Variants in PDGFD observed in about 807,000 individuals in gnomAD.
The protein encoded by PDGFD is platelet-derived growth factor D.
In PDGFD, 30 loss-of-function variants were observed where a neutral mutation model predicts 44.7. The observed-to-expected ratio is 0.67, with a 90% confidence interval of 0.50 to 0.91. The LOEUF (loss-of-function observed/expected upper bound fraction) is 0.91. Among genes scored for constraint, PDGFD ranks in the 40% least tolerant of loss-of-function variants. PDGFD has a pLI of 0.00. For synonymous variants in PDGFD, 173 were observed against 168.4 expected, an observed-to-expected ratio of 1.03 and a Z score of -0.21; for missense variants, 445 against 457.8, an observed-to-expected ratio of 0.97 and a Z score of 0.25.
chr11:103,995,938 G>A, intron 3 of PDGFD, 127 bp downstream of exon 3: 1 of 799,476 alleles, frequency 1.3e-6, no homozygotes, highest in Non-Finnish European at 1.9e-6. Flanking sequence ...CATAAGGTAG[G>A]AACAAACCAT....
chr11:103,977,574 C>T (rs1859202890), intron 3 of PDGFD, among the ~76,000 whole-genome samples: 1 of 151,982 alleles, frequency 6.6e-6, no homozygotes, highest in Non-Finnish European at 1.5e-5. Context: ...CCCCCAGTAC[C>T]AAGCATAAAA....
At chr11:104,044,337 G>A (rs1036160520) in intron 1 of PDGFD, among the ~76,000 whole-genome samples, 13 of 152,206 alleles carry the variant, frequency 8.5e-5, no homozygotes, top group African/African-American at 3.1e-4. Context: ...AAGGAATATG[G>A]TTGCCTTAGT....
intron 1 of PDGFD, among the ~76,000 whole-genome samples, chr11:104,127,990 G>A (rs539491626): frequency 1.0e-3 from 159 of 152,178 alleles, no homozygotes; most frequent in Non-Finnish European, 2.0e-3. Context: ...CCCAGCTTGG[G>A]TCATAGGAAT....
intron 6 of PDGFD, among the ~76,000 whole-genome samples, chr11:103,920,297 G>C (rs1489309908): frequency 6.6e-6 from 1 of 152,196 alleles, no homozygotes; most frequent in African/African-American, 2.4e-5. Flanking sequence ...TTACTATGAG[G>C]TGTACTCAGT....
chr11:103,993,721 A>G (rs1424557875), intron 3 of PDGFD, among the ~76,000 whole-genome samples: 1 of 152,204 alleles, frequency 6.6e-6, no homozygotes, highest in African/African-American at 2.4e-5. Context: ...TTTGTCAAAA[A>G]GCCACATGAT....
intron 6 of PDGFD, among the ~76,000 whole-genome samples, chr11:103,925,679 G>GTATATATA (rs367755559): frequency 3.3e-5 from 4 of 119,786 alleles, no homozygotes; most frequent in South Asian, 2.9e-4. Context: ...GTGTGTCTGT[G>GTATATATA]TATATATATA....
intron 1 of PDGFD, among the ~76,000 whole-genome samples, chr11:104,136,084 G>C (rs1001177437): frequency 2.6e-5 from 4 of 152,058 alleles, no homozygotes; most frequent in African/African-American, 9.7e-5. Flanking sequence ...CCTAGCACAG[G>C]GATTCCACAC....
At chr11:104,112,842 G>A (rs1039105404) in intron 1 of PDGFD, among the ~76,000 whole-genome samples, 62 of 152,024 alleles carry the variant, frequency 4.1e-4, no homozygotes, top group Admixed American at 4.1e-3. Flanking sequence ...GGACACACAT[G>A]CAGAAAAACA....
At chr11:104,037,444 C>A (rs114077203) in intron 1 of PDGFD, 67 of 1,613,912 alleles carry the variant, frequency 4.2e-5, no homozygotes, top group Non-Finnish European at 5.6e-5. Flanking sequence ...CCCACTGGAT[C>A]GGGAAGCTCA....
chr11:104,099,218 T>C (rs557596750), intron 1 of PDGFD, among the ~76,000 whole-genome samples: 1 of 152,156 alleles, frequency 6.6e-6, no homozygotes, highest in Admixed American at 6.6e-5. Context: ...AGGACCAGCA[T>C]TGTGTTTTAG....
chr11:103,969,136 C>T (rs117483362), intron 3 of PDGFD, among the ~76,000 whole-genome samples: 3,234 of 152,232 alleles, frequency 0.021, 56 homozygotes, highest in Middle Eastern at 0.071. Flanking sequence ...TTCATGCTTA[C>T]GCAGCTGCCA....
chr11:104,071,331 T>C (rs1290512630), intron 1 of PDGFD, among the ~76,000 whole-genome samples: 1 of 151,744 alleles, frequency 6.6e-6, no homozygotes, highest in Non-Finnish European at 1.5e-5. Context: ...ATATTGTAAA[T>C]ATATGTGTAT....
intron 1 of PDGFD, among the ~76,000 whole-genome samples, chr11:104,051,363 C>T (rs534953878): frequency 4.5e-4 from 69 of 152,266 alleles, no homozygotes; most frequent in Non-Finnish European, 4.4e-5. Flanking sequence ...TCAAATTCCA[C>T]TCAGATGATC....
At chr11:104,120,029 A>G (rs1041216956) in intron 1 of PDGFD, among the ~76,000 whole-genome samples, 2 of 146,346 alleles carry the variant, frequency 1.4e-5, no homozygotes, top group Admixed American at 1.4e-4. Context: ...ATATATAAAA[A>G]TTCCTTCTGA....
chr11:104,039,532 T>G (rs967644350), intron 1 of PDGFD, among the ~76,000 whole-genome samples: 3 of 152,030 alleles, frequency 2.0e-5, no homozygotes, highest in African/African-American at 7.2e-5. Context: ...CACCTCCCAT[T>G]TTTCTTCTCT....
chr11:104,038,099 T>TA, intron 1 of PDGFD: 1 of 1,344,738 alleles, frequency 7.4e-7, no homozygotes. Context: ...ATGTAATCAT[T>TA]AAAAAACATC....
At chr11:104,058,004 T>C (rs1353048377) in intron 1 of PDGFD, among the ~76,000 whole-genome samples, 1 of 152,128 alleles carries the variant, frequency 6.6e-6, no homozygotes, top group African/African-American at 2.4e-5. Context: ...CCTTGCACCA[T>C]CCAAAATAAT....
chr11:103,933,199 G>A (rs373380225), intron 5 of PDGFD, among the ~76,000 whole-genome samples: 3 of 152,144 alleles, frequency 2.0e-5, no homozygotes, highest in East Asian at 3.8e-4. Context: ...GGGGTGGGAG[G>A]TGAGGGGACT....
Position 103,927,186 on chromosome 11 carries a change from T to C in PDGFD, c.773-60A>G, listed in dbSNP as rs373207886. ...CAACAGTAAGCACAATTGCTCAGCA[T>C]GTGTTTTGGGGAATAGAGTGGGAAG... is the stretch of plus-strand genomic sequence containing the variant. On this transcript the variant is annotated intron_variant, in intron 5 of 6. Coordinates refer to ENST00000393158, the MANE Select transcript of PDGFD (RefSeq NM_025208.5). 2.7e-6 allele frequency: 4 copies of C among 1,471,612 alleles called. No homozygotes were observed. In the South Asian group the frequency reaches 3.5e-5, roughly 13 times the overall value. 91.2% of individuals were successfully genotyped at this position (1,471,612 alleles called of 1,614,324 possible).
Sources: gnomAD v4.1 joint callset for allele counts (sites outside exome capture counted in the v4.1 genomes callset) on GRCh38, gnomAD v4.1.1 for gene constraint, MANE v1.5 for transcripts, NCBI Gene and HGNC (gene_info 2026-07-23, HGNC 2026-07-21) for gene names.